The following EPM2A variants were observed in gnomAD, a reference collection of about 807,000 sequenced individuals.
EPM2A encodes EPM2A glucan phosphatase, laforin.
EPM2A carries 21 observed loss-of-function variants against 26.5 expected under a neutral mutation model. That is an observed-to-expected ratio of 0.79 (90% CI 0.56 to 1.14). The LOEUF is 1.14. EPM2A is among the 50% of genes most tolerant of loss of function. The probability of loss-of-function intolerance (pLI) is 0.00; values close to 1 mark genes in which losing one functional copy is unlikely to be tolerated. For missense variants in EPM2A, 458 were observed against 440.8 expected (o/e 1.04, Z -0.35); for synonymous variants, 217 against 177.6 (o/e 1.22, Z -1.76).
At chr6:145,389,666 A>G (rs954827076) in intron 4 of EPM2A, among the ~76,000 whole-genome samples, 10 of 152,220 alleles carry the variant, frequency 6.6e-5, no homozygotes, top group African/African-American at 2.4e-4. Flanking sequence ...TATTTGGTGA[A>G]TAAAGGAACA....
At chr6:145,619,796 T>C (rs559508882) in intron 2 of EPM2A, among the ~76,000 whole-genome samples, 3 of 152,234 alleles carry the variant, frequency 2.0e-5, no homozygotes, top group African/African-American at 7.2e-5. Flanking sequence ...CATGTCAACA[T>C]GAAGGAAGTA....
intron 1 of EPM2A, among the ~76,000 whole-genome samples, chr6:145,702,260 G>A (rs1781956020): frequency 6.6e-6 from 1 of 152,152 alleles, no homozygotes; most frequent in South Asian, 2.1e-4. Flanking sequence ...TTACCTGTGT[G>A]CAATACTTAA....
At chr6:145,446,368 T>C (rs1295940037) in intron 4 of EPM2A, among the ~76,000 whole-genome samples, 1 of 152,240 alleles carries the variant, frequency 6.6e-6, no homozygotes, top group Non-Finnish European at 1.5e-5. Flanking sequence ...AACACTATGA[T>C]AACTAGATCA....
chr6:145,548,102 C>T (rs1354177226), intron 2 of EPM2A, among the ~76,000 whole-genome samples: 8 of 152,074 alleles, frequency 5.3e-5, no homozygotes, highest in Non-Finnish European at 7.4e-5. Context: ...TTGGCACTCC[C>T]GCATGCTGCA....
intron 1 of EPM2A, chr6:145,720,905 A>T (rs567803728): frequency 6.6e-6 from 1 of 152,352 alleles, no homozygotes; most frequent in African/African-American, 2.4e-5. Flanking sequence ...TCATACCTGT[A>T]ATCCCATTAC....
intron 2 of EPM2A, among the ~76,000 whole-genome samples, chr6:145,517,029 A>G (rs1432901666): frequency 1.3e-5 from 2 of 152,170 alleles, no homozygotes; most frequent in Non-Finnish European, 2.9e-5. Context: ...ATAAGAAAGA[A>G]GGAAATCCTG....
chr6:145,602,515 A>C (rs565390573), intron 2 of EPM2A, among the ~76,000 whole-genome samples: 6 of 152,302 alleles, frequency 3.9e-5, no homozygotes, highest in Non-Finnish European at 7.3e-5. Context: ...AGACATATTC[A>C]TATTGTATGG....
intron 2 of EPM2A, among the ~76,000 whole-genome samples, chr6:145,512,747 C>T (rs1780073337): frequency 6.8e-6 from 1 of 147,600 alleles, no homozygotes; most frequent in Non-Finnish European, 1.5e-5. Context: ...AAGATAGACC[C>T]CAGAAAGAAA....
chr6:145,601,989 T>C (rs995563114), intron 2 of EPM2A, among the ~76,000 whole-genome samples: 4 of 152,184 alleles, frequency 2.6e-5, no homozygotes, highest in Non-Finnish European at 5.9e-5. Flanking sequence ...ATTACTAACA[T>C]ACATTTTTAA....
At chr6:145,598,577 T>C (rs1241464303) in intron 2 of EPM2A, among the ~76,000 whole-genome samples, 1 of 152,142 alleles carries the variant, frequency 6.6e-6, no homozygotes, top group Admixed American at 6.5e-5. Flanking sequence ...CTGTTGATAG[T>C]TTCTTTTGCT....
intron 2 of EPM2A, among the ~76,000 whole-genome samples, chr6:145,667,029 A>G (rs1354938139): frequency 7.7e-6 from 1 of 130,508 alleles, no homozygotes; most frequent in Non-Finnish European, 1.6e-5. Flanking sequence ...TGGATTAAAG[A>G]TTTAAATGTT....
intron 2 of EPM2A, among the ~76,000 whole-genome samples, chr6:145,508,573 TA>T (rs34094987): frequency 0.45 from 68,303 of 151,414 alleles, 15,408 homozygotes; most frequent in South Asian, 0.59. Flanking sequence ...AAAATAACAA[TA>T]AAAAAATCAA....
At chr6:145,543,618 A>G (rs969838629) in intron 2 of EPM2A, among the ~76,000 whole-genome samples, 1 of 152,184 alleles carries the variant, frequency 6.6e-6, no homozygotes. Flanking sequence ...TTTGTTTTAT[A>G]TTTAGTTTTT....
intron 2 of EPM2A, among the ~76,000 whole-genome samples, chr6:145,656,547 A>G (rs1038772108): frequency 1.3e-5 from 2 of 152,254 alleles, no homozygotes; most frequent in African/African-American, 4.8e-5. Flanking sequence ...TTTGGCATAT[A>G]ACAGTGAATG....
At chr6:145,487,885 C>A (rs117011411) in intron 4 of EPM2A, among the ~76,000 whole-genome samples, 3,408 of 152,212 alleles carry the variant, frequency 0.022, 49 homozygotes, top group Admixed American at 0.031. Flanking sequence ...ATCATAAAAT[C>A]TTTGGACATG....
chr6:145,716,506 G>A (rs755966569), intron 1 of EPM2A, among the ~76,000 whole-genome samples: 4 of 152,088 alleles, frequency 2.6e-5, no homozygotes, highest in African/African-American at 9.7e-5. Flanking sequence ...GAGACTGCTC[G>A]AGGTAAGCCA....
At chr6:145,587,358 A>G (rs1781209086) in intron 2 of EPM2A, among the ~76,000 whole-genome samples, 1 of 152,228 alleles carries the variant, frequency 6.6e-6, no homozygotes, top group Admixed American at 6.5e-5. Context: ...GAATATATGA[A>G]TTACTAATAT....
chr6:145,488,160 C>A (rs1408236259), intron 4 of EPM2A, among the ~76,000 whole-genome samples: 1 of 152,028 alleles, frequency 6.6e-6, no homozygotes, highest in Non-Finnish European at 1.5e-5. Flanking sequence ...GTTCTCTATT[C>A]TGTTCCATTG....
intron 4 of EPM2A, among the ~76,000 whole-genome samples, chr6:145,412,179 T>C (rs930359685): frequency 6.8e-6 from 1 of 147,720 alleles, no homozygotes; most frequent in Admixed American, 6.9e-5. Flanking sequence ...ATTGCGCCAT[T>C]GCACTCTAGC....
Sources: allele counts gnomAD v4.1 joint callset (sites outside exome capture counted in the v4.1 genomes callset), GRCh38; gene constraint gnomAD v4.1.1; transcripts MANE v1.5; gene names NCBI Gene and HGNC (gene_info 2026-07-23, HGNC 2026-07-21).